The following NRAS variants were observed in gnomAD, a reference collection of about 807,000 sequenced individuals.
The protein encoded by NRAS is GTPase NRas.
NRAS carries 6 observed loss-of-function variants against 21.3 expected under a neutral mutation model. The ratio of observed to expected loss-of-function variants is 0.28; its 90% CI spans 0.15 to 0.56. The LOEUF is 0.56. NRAS is among the 20% of genes least tolerant of loss of function. The pLI, the probability that NRAS is intolerant of heterozygous loss-of-function variation, is 0.93. For synonymous variants in NRAS, 84 were observed against 82.0 expected (o/e 1.02, Z -0.13); for missense variants, 143 against 231.3 (o/e 0.62, Z 2.48).
At chr1:114,710,234 AATATATATT>A (rs6143387) in intron 3 of NRAS, among the ~76,000 whole-genome samples, 85,060 of 122,438 alleles carry the variant, frequency 0.69, 30,749 homozygotes, top group East Asian at 0.97. Flanking sequence ...TATAAAAATA[AATATATATT>A]ATATATATTA....
At chr1:114,710,194 C>A (rs1659011419) in intron 3 of NRAS, among the ~76,000 whole-genome samples, 1 of 130,628 alleles carries the variant, frequency 7.7e-6, no homozygotes, top group Non-Finnish European at 1.6e-5. Flanking sequence ...CCATCCCCCC[C>A]AACCCCCCCC....
intron 1 of NRAS, among the ~76,000 whole-genome samples, 176 bp downstream of exon 1, chr1:114,716,482 C>A (rs766169962): frequency 2.6e-5 from 4 of 152,168 alleles, no homozygotes; most frequent in African/African-American, 9.7e-5. Flanking sequence ...CAGGCCGCAA[C>A]TCCTTCCCAT....
In NRAS at chr1:114,706,182, T is replaced by A. The variant is rs978294536; in HGVS notation, c.*1912A>T. 6.6e-6 allele frequency: 1 copy of A among 152,212 alleles called. No homozygotes were observed. The highest frequency in any genetic ancestry group is 1.5e-5 in the Non-Finnish European group (1 of 68,030). 9.4% of individuals were successfully genotyped at this position (152,212 alleles called of 1,614,324 possible). ...GGTTCATTATACTCTGGACACAGTA[T>A]ATGTTTCTTCTCTTCTGAATTTCAA... On this transcript the variant is annotated 3_prime_UTR_variant, in exon 7 of 7. Transcript: ENST00000369535.
rs759764705 is a variant in NRAS, at chr1:114,716,125, A to T, written c.36T>A (p.Gly12=). 1 of 1,613,902 alleles carries T rather than the reference A, an allele frequency of 6.2e-7. No homozygotes were observed. The highest frequency in any genetic ancestry group is 8.5e-7 in the Non-Finnish European group (1 of 1,179,858). The change falls in exon 2 of 7, where the codon GGT becomes GGA. Residue 12 remains glycine, a synonymous_variant. Coordinates refer to ENST00000369535, the MANE Select transcript of NRAS (RefSeq NM_002524.5). ...TEYKLVVVGA[G]GVGKSALTIQ... Reference sequence around the variant, plus strand: ...TTGTCAGTGCGCTTTTCCCAACACCACCTGCTCCAACCACCACCAGTTTGT... The same window carrying T: ...TTGTCAGTGCGCTTTTCCCAACACCTCCTGCTCCAACCACCACCAGTTTGT...
chr1:114,712,693 C>A (rs61758217), intron 3 of NRAS, among the ~76,000 whole-genome samples: 1 of 152,312 alleles, frequency 6.6e-6, no homozygotes, highest in East Asian at 1.9e-4. Flanking sequence ...AAGACTCAAG[C>A]CTTTAGGCAG....
rs1269874732 is a variant in NRAS at position 114,705,142 on chromosome 1, A to G, written c.*2952T>C. 3 of 152,158 alleles carry G rather than the reference A, an allele frequency of 2.0e-5. No homozygotes were observed. The highest frequency in any genetic ancestry group is 4.4e-5 in the Non-Finnish European group (3 of 68,028). The allele number at this position is 152,158 out of a possible 1,614,324, so 9.4% of individuals were successfully genotyped here. ...CTCTGGAATGGTAAAAAAACCCCAC[A>G]TATCTCTAAAGTGTTTCTCTATCCT... On this transcript the variant is annotated 3_prime_UTR_variant, in exon 7 of 7. Transcript: ENST00000369535.
rs1658959979 is a variant in NRAS at position 114,708,201 on chromosome 1, A to G, written c.*5-9T>C. 3.7e-6 allele frequency: 1 copy of G among 271,504 alleles called. No homozygotes were observed. Among genetic ancestry groups the G allele is most frequent in the Non-Finnish European group, 7.0e-6 (1 of 142,962 alleles). The allele number at this position is 271,504 out of a possible 1,614,324, so 16.8% of individuals were successfully genotyped here. A position where few individuals can be genotyped will look rare whatever the true frequency, so the allele number is the denominator to read the frequency against. ...CAAAACTTTAAAAGTATCTGTAAAA[A>G]AAGAACAGAAACCATGTCCTTATTA... is the stretch of plus-strand genomic sequence containing the variant. On this transcript the variant is annotated splice_polypyrimidine_tract_variant and intron_variant, in intron 5 of 6. Coordinates refer to ENST00000369535, the MANE Select transcript of NRAS (RefSeq NM_002524.5).
intron 2 of NRAS, among the ~76,000 whole-genome samples, chr1:114,715,823 G>T (rs1391190158): frequency 2.0e-5 from 3 of 152,178 alleles, no homozygotes; most frequent in African/African-American, 7.2e-5. Flanking sequence ...CACTGAGTTT[G>T]CAATAGTTTA....
At chr1:114,709,299 T>G (rs925726752) in intron 4 of NRAS, among the ~76,000 whole-genome samples, 15 of 151,804 alleles carry the variant, frequency 9.9e-5, no homozygotes, top group African/African-American at 3.1e-4. Context: ...TAGCCGGGCA[T>G]GATGATGTGC....
intron 3 of NRAS, among the ~76,000 whole-genome samples, chr1:114,711,162 G>C (rs1199939169): frequency 6.6e-6 from 1 of 151,910 alleles, no homozygotes; most frequent in Non-Finnish European, 1.5e-5. Context: ...AAATTAGCTG[G>C]GCATGGTGGC....
rs1658925931 is a variant in NRAS, at chr1:114,706,659, C to CA, written c.*1434dup. ...AATACGTGATACTGAGTTTTCCAGTCATGGTAAAGGGTTTGTGCTAACTGA... is the reference window on the plus strand; with the variant it reads ...AATACGTGATACTGAGTTTTCCAGTCAATGGTAAAGGGTTTGTGCTAACTGA... On this transcript the variant is annotated 3_prime_UTR_variant, in exon 7 of 7. Transcript: ENST00000369535. 6.6e-6 allele frequency: 1 copy of CA among 152,194 alleles called. No individual in the cohort carries two copies. The highest frequency in any genetic ancestry group is 2.1e-4 in the South Asian group (1 of 4,836). The allele number at this position is 152,194 out of a possible 1,614,324, so 9.4% of individuals were successfully genotyped here. A position where few individuals can be genotyped will look rare whatever the true frequency, so the allele number is the denominator to read the frequency against.
chr1:114,710,123 G>A (rs905839353), intron 3 of NRAS, among the ~76,000 whole-genome samples: 5 of 150,882 alleles, frequency 3.3e-5, no homozygotes, highest in South Asian at 2.1e-4. Flanking sequence ...CCTGGGAGGC[G>A]AAGATTGCAG....
Position 114,716,146 on chromosome 1 carries a change from T to A in NRAS, c.15A>T (p.Lys5Asn), listed in dbSNP as rs2101744343. 6.2e-7 allele frequency: 1 copy of A among 1,613,306 alleles called. No homozygotes were observed. The highest frequency in any genetic ancestry group is 8.5e-7 in the Non-Finnish European group (1 of 1,179,288). Residue 5 changes from lysine to asparagine, a missense_variant, in exon 2 of 7, where the codon AAA (lysine) becomes AAT (asparagine). Lys to Asn is a moderately conservative substitution (Grantham distance 94). Transcript: ENST00000369535. The part of the protein sequence containing the change: MTEY[K>N]LVVVGAGGVG... ...CACCACCTGCTCCAACCACCACCAG[T>A]TTGTACTCAGTCATTTCACACCAGC...
rs1229565181 is a variant in NRAS, at chr1:114,707,191, T to C, written c.*903A>G. On this transcript the variant is annotated 3_prime_UTR_variant, in exon 7 of 7. Transcript: ENST00000369535. Reference sequence around the variant, plus strand: ...AGTAACCTATGAAAAAAGTGGAGATTAGGTAAAAATTATTAAGTGAAATTA... The same window carrying C: ...AGTAACCTATGAAAAAAGTGGAGATCAGGTAAAAATTATTAAGTGAAATTA... 1 of 152,574 alleles carries C rather than the reference T, an allele frequency of 6.6e-6. No homozygotes were observed. The highest frequency in any genetic ancestry group is 1.5e-5 in the Non-Finnish European group (1 of 68,012). 9.5% of individuals were successfully genotyped at this position (152,574 alleles called of 1,614,324 possible).
At position 114,713,092 on chromosome 1, in the gene NRAS, T is replaced by C. The variant is rs529010166; in HGVS notation, c.290+708A>G. 1.1e-4 allele frequency among the ~76,000 whole-genome samples: 17 copies of C among 152,320 alleles called. No individual in the cohort carries two copies. In the South Asian group the frequency reaches 3.3e-3, roughly 30 times the overall value. On this transcript the variant is annotated intron_variant, in intron 3 of 6. Transcript: ENST00000369535. The stretch of plus-strand genomic sequence containing the variant: ...GGTCCAATCTAGCTTTGAAACTTTA[T>C]GGTTCTATGGACAAAGTCTATCTTT...
intron 2 of NRAS, 123 bp downstream of exon 2, chr1:114,715,927 G>GA: frequency 1.4e-6 from 1 of 729,658 alleles, no homozygotes; most frequent in Non-Finnish European, 2.5e-6. Flanking sequence ...TTGCATAACT[G>GA]AATGTATACC....
rs1258082747 is a variant in NRAS at position 114,706,129 on chromosome 1, A to C, written c.*1965T>G. 1 of 152,218 alleles carries C rather than the reference A, an allele frequency of 6.6e-6. No homozygotes were observed. Among genetic ancestry groups the C allele is most frequent in the African/African-American group, 2.4e-5 (1 of 41,446 alleles). 9.4% of individuals were successfully genotyped at this position (152,218 alleles called of 1,614,324 possible). On this transcript the variant is annotated 3_prime_UTR_variant, in exon 7 of 7. Transcript: ENST00000369535. Reference sequence around the variant, plus strand: ...ATGACAGTACTGTGAAAGCTCCCAGAATTAGCAGTAAGAAGCACAACTCTG... The same window carrying C: ...ATGACAGTACTGTGAAAGCTCCCAGCATTAGCAGTAAGAAGCACAACTCTG...
At chr1:114,710,204 C>T (rs528669751) in intron 3 of NRAS, among the ~76,000 whole-genome samples, 1 of 111,580 alleles carries the variant, frequency 9.0e-6, no homozygotes, top group Non-Finnish European at 1.7e-5. Context: ...CAACCCCCCC[C>T]AAAAAATATA....
chr1:114,715,947 T>A (rs1233859826), intron 2 of NRAS, 103 bp downstream of exon 2: 3 of 802,536 alleles, frequency 3.7e-6, no homozygotes, highest in Non-Finnish European at 6.7e-6. Context: ...CCAAAATAAC[T>A]TTTTACTTTC....
Sources: allele counts gnomAD v4.1 joint callset (sites outside exome capture counted in the v4.1 genomes callset), GRCh38; gene constraint gnomAD v4.1.1; transcripts MANE v1.5; gene names NCBI Gene and HGNC (gene_info 2026-07-23, HGNC 2026-07-21).